Variants in SSBP3 observed in about 807,000 individuals in gnomAD.
The protein encoded by SSBP3 is single stranded DNA binding protein 3.
A neutral mutation model predicts 69.6 loss-of-function variants in SSBP3; 5 were observed. The observed-to-expected ratio is 0.07, with a 90% confidence interval of 0.04 to 0.15. SSBP3 has a LOEUF of 0.15. Among genes scored for constraint, SSBP3 ranks in the 10% least tolerant of loss-of-function variants. The pLI is 1.00. For synonymous variants in SSBP3, 196 were observed against 193.4 expected (o/e 1.01, Z -0.11); for missense variants, 312 against 534.0 (o/e 0.58, Z 4.10).
chr1:54,301,567 C>CGCGGGGGGGGG (rs1553134476), intron 4 of SSBP3, among the ~76,000 whole-genome samples: 1 of 152,232 alleles, frequency 6.6e-6, no homozygotes, highest in Non-Finnish European at 1.5e-5. Context: ...CTCCCTCCCA[C>CGCGGGGGGGGG]GCGGGGACCC....
At chr1:54,294,893 T>C (rs994608306) in intron 4 of SSBP3, among the ~76,000 whole-genome samples, 2 of 152,102 alleles carry the variant, frequency 1.3e-5, no homozygotes, top group Non-Finnish European at 2.9e-5. Flanking sequence ...CAGCAGGGTG[T>C]AGGGTACCAC....
intron 4 of SSBP3, among the ~76,000 whole-genome samples, chr1:54,338,987 T>G (rs1194405236): frequency 1.3e-5 from 2 of 152,150 alleles, no homozygotes; most frequent in East Asian, 3.9e-4. Context: ...AACACACACC[T>G]TTTCTCACAT....
intron 4 of SSBP3, among the ~76,000 whole-genome samples, chr1:54,394,725 C>T (rs538180663): frequency 5.3e-5 from 6 of 112,970 alleles, no homozygotes; most frequent in Admixed American, 3.5e-4. Flanking sequence ...TTTTTTGAGA[C>T]GGAGTCTGGC....
exon 18 of SSBP3, chr1:54,225,570 A>G: frequency 1.8e-6 from 1 of 551,168 alleles, no homozygotes. Context: ...AAACAGCTAC[A>G]ATGTTCCCAA....
intron 4 of SSBP3, among the ~76,000 whole-genome samples, chr1:54,293,747 G>C (rs1191723116): frequency 6.6e-6 from 1 of 152,234 alleles, no homozygotes; most frequent in Non-Finnish European, 1.5e-5. Flanking sequence ...AAATTAGCCA[G>C]CTATCTTCCA....
chr1:54,228,943 G>T, intron 14 of SSBP3, 117 bp from the exon 15 acceptor site: 1 of 1,083,868 alleles, frequency 9.2e-7, no homozygotes, highest in Non-Finnish European at 1.4e-6. Flanking sequence ...TGCTCCGGCA[G>T]GCTCTGCTCA....
intron 4 of SSBP3, among the ~76,000 whole-genome samples, chr1:54,398,085 T>C (rs1649022704): frequency 6.6e-6 from 1 of 152,206 alleles, no homozygotes; most frequent in South Asian, 2.1e-4. Flanking sequence ...CAATAAAAGC[T>C]GAGAGGCAGA....
chr1:54,288,737 T>C (rs1645538935), intron 4 of SSBP3, among the ~76,000 whole-genome samples: 1 of 152,034 alleles, frequency 6.6e-6, no homozygotes, highest in African/African-American at 2.4e-5. Flanking sequence ...TGCCTCCACC[T>C]TTTATCTTGG....
chr1:54,355,276 A>G (rs1646845185), intron 4 of SSBP3, among the ~76,000 whole-genome samples: 2 of 152,264 alleles, frequency 1.3e-5, no homozygotes, highest in South Asian at 4.1e-4. Context: ...TTTCTGGACA[A>G]TATCTATCTG....
At chr1:54,277,502 T>C (rs1163296986) in intron 5 of SSBP3, among the ~76,000 whole-genome samples, 1 of 152,234 alleles carries the variant, frequency 6.6e-6, no homozygotes, top group African/African-American at 2.4e-5. Context: ...GAAAGCTGGG[T>C]TTAGACTCTG....
At chr1:54,243,135 G>A in intron 10 of SSBP3, 100 bp downstream of exon 10, 1 of 1,038,600 alleles carries the variant, frequency 9.6e-7, no homozygotes, top group Non-Finnish European at 1.5e-6. Flanking sequence ...GTCCAGAGAG[G>A]TACCAGCAAT....
At chr1:54,317,720 A>C (rs932958578) in intron 4 of SSBP3, among the ~76,000 whole-genome samples, 18 of 152,112 alleles carry the variant, frequency 1.2e-4, no homozygotes, top group Non-Finnish European at 2.9e-5. Context: ...TGCTGTACTC[A>C]AGGAGGGAAG....
chr1:54,287,953 A>G (rs1645521637), intron 4 of SSBP3, among the ~76,000 whole-genome samples: 1 of 152,168 alleles, frequency 6.6e-6, no homozygotes, highest in African/African-American at 2.4e-5. Context: ...GATGACACAC[A>G]GGAGTGACAC....
chr1:54,412,010 T>A (rs968086262), intron 1 of SSBP3, among the ~76,000 whole-genome samples: 3 of 152,098 alleles, frequency 2.0e-5, no homozygotes, highest in African/African-American at 7.2e-5. Context: ...CCCTAGCCTC[T>A]GAGTTCTCTC....
Position 54,346,819 on chromosome 1 carries a change from A to G in SSBP3, c.276+55042T>C, listed in dbSNP as rs538756970. ...AATAGAGTGAGACTCCATCTCAAGG[A>G]AAAAAAAAAAAAAATAGAAATACAG... On this transcript the variant is annotated intron_variant, in intron 4 of 17. Transcript: ENST00000610401. Among the ~76,000 whole-genome samples, 180 of 138,026 alleles carry G rather than the reference A, an allele frequency of 1.3e-3. 4 individuals carry two copies. The South Asian group carries it at 0.029, about 23-fold the overall frequency. The allele number at this position is 138,026 out of a possible 152,430, so 90.6% of individuals were successfully genotyped here.
intron 4 of SSBP3, among the ~76,000 whole-genome samples, chr1:54,338,438 C>T (rs1479653126): frequency 6.6e-6 from 1 of 152,190 alleles, no homozygotes; most frequent in African/African-American, 2.4e-5. Context: ...AAGTGATGAG[C>T]ACATGGCTGC....
chr1:54,294,988 T>C (rs1032818041), intron 4 of SSBP3, among the ~76,000 whole-genome samples: 1 of 152,068 alleles, frequency 6.6e-6, no homozygotes, highest in Non-Finnish European at 1.5e-5. Context: ...CCCTTACAGC[T>C]AGACCCTCCA....
intron 4 of SSBP3, among the ~76,000 whole-genome samples, chr1:54,398,286 A>G (rs144292677): frequency 9.8e-5 from 15 of 152,342 alleles, no homozygotes; most frequent in African/African-American, 3.6e-4. Flanking sequence ...ATGTTATAAA[A>G]AAGTACAGCA....
At chr1:54,300,378 ATCATCATG>A (rs1645779830) in intron 4 of SSBP3, among the ~76,000 whole-genome samples, 2 of 152,204 alleles carry the variant, frequency 1.3e-5, no homozygotes. Flanking sequence ...AGTGGAGAGT[ATCATCATG>A]TCAGTTCAGC....
Sources: gnomAD v4.1 joint callset for allele counts (sites outside exome capture counted in the v4.1 genomes callset) on GRCh38, gnomAD v4.1.1 for gene constraint, MANE v1.5 for transcripts, NCBI Gene and HGNC (gene_info 2026-07-23, HGNC 2026-07-21) for gene names.